SORCS3: variants seen among roughly 807,000 people sequenced by gnomAD.
SORCS3 encodes the protein sortilin related VPS10 domain containing receptor 3.
Under a neutral mutation model 146.3 loss-of-function variants are expected in SORCS3, and 57 were observed. The observed-to-expected ratio is 0.39, with a 90% CI of 0.31 to 0.49. The LOEUF (loss-of-function observed/expected upper bound fraction) is 0.49. SORCS3 is among the 20% of genes least tolerant of loss of function. The pLI, the probability that SORCS3 is intolerant of heterozygous loss-of-function variation, is 0.92. For missense variants in SORCS3, 1,341 were observed against 1,575.5 expected, an observed-to-expected ratio of 0.85 and a Z score of 2.52; for synonymous variants, 653 against 618.5, an observed-to-expected ratio of 1.06 and a Z score of -0.83.
chr10:105,022,053 A>G (rs778964318), intron 4 of SORCS3, among the ~76,000 whole-genome samples: 1 of 152,142 alleles, frequency 6.6e-6, no homozygotes, highest in Non-Finnish European at 1.5e-5. Context: ...GGAAAGAGGG[A>G]TAAATAGGCA....
intron 2 of SORCS3, among the ~76,000 whole-genome samples, chr10:104,848,151 C>T (rs373313337): frequency 6.6e-6 from 1 of 152,030 alleles, no homozygotes; most frequent in South Asian, 2.1e-4. Flanking sequence ...TTTCAATAGC[C>T]CCAAACCAAT....
At chr10:105,038,741 C>T (rs749869462) in intron 4 of SORCS3, among the ~76,000 whole-genome samples, 15 of 152,056 alleles carry the variant, frequency 9.9e-5, no homozygotes, top group East Asian at 3.9e-4. Flanking sequence ...ACTTTAACAT[C>T]GATATCAATA....
chr10:104,886,005 C>T (rs1176879598), intron 2 of SORCS3, among the ~76,000 whole-genome samples: 5 of 152,098 alleles, frequency 3.3e-5, no homozygotes, highest in Non-Finnish European at 7.4e-5. Context: ...TAAAAGATAA[C>T]CCATTTAACA....
chr10:105,017,169 C>G (rs1388551567), intron 4 of SORCS3, among the ~76,000 whole-genome samples: 1 of 151,198 alleles, frequency 6.6e-6, no homozygotes, highest in Non-Finnish European at 1.5e-5. Flanking sequence ...AGGGAACCGT[C>G]TGCTTCTGCT....
intron 7 of SORCS3, among the ~76,000 whole-genome samples, chr10:105,122,501 G>A (rs1283658884): frequency 1.3e-5 from 2 of 152,154 alleles, no homozygotes; most frequent in Non-Finnish European, 2.9e-5. Context: ...TGTGACAGAG[G>A]TATTGATTGA....
intron 2 of SORCS3, among the ~76,000 whole-genome samples, chr10:104,911,015 T>C (rs2018960874): frequency 6.6e-6 from 1 of 152,210 alleles, no homozygotes; most frequent in Non-Finnish European, 1.5e-5. Flanking sequence ...TTAAAATTGA[T>C]GAGATGAGCC....
At chr10:104,846,782 C>G (rs2018211226) in intron 2 of SORCS3, among the ~76,000 whole-genome samples, 1 of 152,068 alleles carries the variant, frequency 6.6e-6, no homozygotes, top group Non-Finnish European at 1.5e-5. Context: ...ATCCCTTAGT[C>G]AAAAAACACT....
rs2016857539 is a variant in SORCS3, at chr10:104,742,292, A to G, written c.627+100338A>G. 2.0e-5 allele frequency among the ~76,000 whole-genome samples: 3 copies of G among 152,214 alleles called. No individual in the cohort carries two copies. In the South Asian group the frequency reaches 6.2e-4, roughly 32 times the overall value. ...CATCTCCTTAGCAGAAAAGATGTGCAAAGTTTTGCATTTGTAATCCATTTG... is the reference window on the plus strand; with the variant it reads ...CATCTCCTTAGCAGAAAAGATGTGCGAAGTTTTGCATTTGTAATCCATTTG... On this transcript the variant is annotated intron_variant, in intron 1 of 26. Coordinates refer to ENST00000369701, the MANE Select transcript of SORCS3 (RefSeq NM_014978.3).
At chr10:105,011,988 G>A (rs1387458149) in intron 4 of SORCS3, among the ~76,000 whole-genome samples, 2 of 152,196 alleles carry the variant, frequency 1.3e-5, no homozygotes, top group Non-Finnish European at 2.9e-5. Context: ...CATAGAGGAA[G>A]TTAGGATAAA....
chr10:105,154,708 G>A (rs1043752759), intron 9 of SORCS3, among the ~76,000 whole-genome samples: 1 of 152,190 alleles, frequency 6.6e-6, no homozygotes. Context: ...CATTTAGTGA[G>A]GGTGCGTAGT....
At chr10:105,243,459 C>T (rs965301832) in intron 20 of SORCS3, among the ~76,000 whole-genome samples, 72 of 152,286 alleles carry the variant, frequency 4.7e-4, no homozygotes, top group African/African-American at 1.5e-3. Flanking sequence ...ATGCTCAGCC[C>T]AGCTTGACTT....
rs967394076 is a variant in SORCS3, at chr10:104,847,146, G to A, written c.695+4287G>A. Among the ~76,000 whole-genome samples, 7 of 152,230 alleles carry A rather than the reference G, an allele frequency of 4.6e-5. No individual in the cohort carries two copies. The East Asian group carries it at 9.6e-4, about 21-fold the overall frequency. Reference sequence around the variant, plus strand: ...TGCCATATTTATGCCCTCTGCACTCGTGGATGCGCGTGTGTCTCTGCCTCA... The same window carrying A: ...TGCCATATTTATGCCCTCTGCACTCATGGATGCGCGTGTGTCTCTGCCTCA... On this transcript the variant is annotated intron_variant, in intron 2 of 26. Coordinates refer to ENST00000369701, the MANE Select transcript of SORCS3 (RefSeq NM_014978.3).
chr10:104,645,289 C>T (rs775741021), intron 1 of SORCS3, among the ~76,000 whole-genome samples: 15 of 152,132 alleles, frequency 9.9e-5, no homozygotes, highest in African/African-American at 2.9e-4. Flanking sequence ...CCAGAGGGAG[C>T]CCAGTCCCCG....
chr10:104,979,322 G>T (rs959005537), intron 4 of SORCS3, among the ~76,000 whole-genome samples: 2 of 152,126 alleles, frequency 1.3e-5, no homozygotes, highest in African/African-American at 4.8e-5. Flanking sequence ...AGACATTTTA[G>T]ATGATTTCCT....
intron 5 of SORCS3, among the ~76,000 whole-genome samples, chr10:105,044,053 G>A (rs1276398442): frequency 6.6e-6 from 1 of 152,036 alleles, no homozygotes; most frequent in Non-Finnish European, 1.5e-5. Context: ...TATATAGCAT[G>A]CTTAATTATA....
At chr10:105,075,892 G>C (rs1017107646) in intron 5 of SORCS3, among the ~76,000 whole-genome samples, 3 of 152,134 alleles carry the variant, frequency 2.0e-5, no homozygotes, top group Non-Finnish European at 4.4e-5. Flanking sequence ...CTACACAGCT[G>C]GTCAGTATGA....
chr10:104,984,455 A>G (rs1348473372), intron 4 of SORCS3, among the ~76,000 whole-genome samples: 1 of 152,174 alleles, frequency 6.6e-6, no homozygotes, highest in Non-Finnish European at 1.5e-5. Flanking sequence ...TCTTGGCAAT[A>G]TATATCAGAA....
At chr10:105,077,040 C>T (rs1045652652) in intron 5 of SORCS3, among the ~76,000 whole-genome samples, 38 of 152,112 alleles carry the variant, frequency 2.5e-4, no homozygotes, top group Admixed American at 8.5e-4. Flanking sequence ...ATATGCTTTG[C>T]CCTGAAAATA....
chr10:105,259,835 C>A (rs2056950722), intron 25 of SORCS3, among the ~76,000 whole-genome samples: 1 of 152,094 alleles, frequency 6.6e-6, no homozygotes, highest in Admixed American at 6.6e-5. Context: ...ATACAAACTG[C>A]AGTTGGGTTT....
Sources: allele counts gnomAD v4.1 joint callset (sites outside exome capture counted in the v4.1 genomes callset), GRCh38; gene constraint gnomAD v4.1.1; transcripts MANE v1.5; gene names NCBI Gene and HGNC (gene_info 2026-07-23, HGNC 2026-07-21).